Variants in BLTP3B observed in about 807,000 individuals in gnomAD.
BLTP3B encodes the protein UHRF1 (ICBP90) binding protein 1-like.
the BLTP3B span, chr12:100,098,342 A>C: frequency 2.6e-6 from 4 of 1,558,396 alleles, no homozygotes; most frequent in East Asian, 6.8e-5. Flanking sequence ...AAGAAAGAAA[A>C]AAATGTTACC....
At chr12:100,038,485 G>C in the BLTP3B span, among the ~76,000 whole-genome samples, 4 of 152,056 alleles carry the variant, frequency 2.6e-5, no homozygotes, top group Non-Finnish European at 4.4e-5. Context: ...ACAAGCATGC[G>C]CCACCATGCC....
chr12:100,057,453 T>C, the BLTP3B span: 1 of 583,062 alleles, frequency 1.7e-6, no homozygotes, highest in Non-Finnish European at 2.6e-6. Flanking sequence ...TTAGTTATGT[T>C]CAGTAACTTT....
At chr12:100,065,446 T>A in the BLTP3B span, among the ~76,000 whole-genome samples, 2 of 152,272 alleles carry the variant, frequency 1.3e-5, no homozygotes, top group East Asian at 3.9e-4. Context: ...GTAGTGAAGA[T>A]ATCGCTAAAT....
chr12:100,038,267 C>T, the BLTP3B span, among the ~76,000 whole-genome samples: 1 of 152,174 alleles, frequency 6.6e-6, no homozygotes, highest in African/African-American at 2.4e-5. Context: ...ATGGCTCCAA[C>T]TATCATAGAC....
chr12:100,073,579 G>A, the BLTP3B span, among the ~76,000 whole-genome samples: 1 of 151,650 alleles, frequency 6.6e-6, no homozygotes, highest in Non-Finnish European at 1.5e-5. Flanking sequence ...GTATATGTGT[G>A]TGTATATATA....
the BLTP3B span, among the ~76,000 whole-genome samples, chr12:100,043,942 G>C: frequency 6.6e-6 from 1 of 152,056 alleles, no homozygotes; most frequent in Non-Finnish European, 1.5e-5. Flanking sequence ...TTTTGGTCCT[G>C]TTTCTCACTG....
the BLTP3B span, chr12:100,048,164 A>C: frequency 6.9e-6 from 11 of 1,602,082 alleles, no homozygotes; most frequent in East Asian, 2.5e-4. Context: ...TCAGGAGAGG[A>C]TTTGGAATGA....
At chr12:100,073,906 T>C in the BLTP3B span, among the ~76,000 whole-genome samples, 1 of 152,064 alleles carries the variant, frequency 6.6e-6, no homozygotes, top group Non-Finnish European at 1.5e-5. Context: ...AACTCACAGC[T>C]AATATCGTTC....
chr12:100,119,384 T>C, the BLTP3B span, among the ~76,000 whole-genome samples: 1 of 152,268 alleles, frequency 6.6e-6, no homozygotes, highest in Non-Finnish European at 1.5e-5. Flanking sequence ...GACTTACAGA[T>C]TCAAGGCAAC....
At chr12:100,135,394 T>C in the BLTP3B span, among the ~76,000 whole-genome samples, 6 of 151,568 alleles carry the variant, frequency 4.0e-5, no homozygotes, top group Non-Finnish European at 5.9e-5. Context: ...TCAGCCTCTC[T>C]AGTAGCTGAG....
chr12:100,045,127 A>C, the BLTP3B span, among the ~76,000 whole-genome samples: 2 of 152,248 alleles, frequency 1.3e-5, no homozygotes, highest in African/African-American at 2.4e-5. Context: ...AGAATATTCC[A>C]TGCTCATGGG....
At chr12:100,103,803 TG>T in the BLTP3B span, 1 of 926,976 alleles carries the variant, frequency 1.1e-6, no homozygotes, top group Admixed American at 3.1e-5. Flanking sequence ...GAAACCTAAC[TG>T]GTGAAAAATC....
chr12:100,066,686 C>T, the BLTP3B span, among the ~76,000 whole-genome samples: 3 of 151,714 alleles, frequency 2.0e-5, no homozygotes, highest in Non-Finnish European at 4.4e-5. Flanking sequence ...CACCTGTAGT[C>T]CCAGCTACTC....
the BLTP3B span, chr12:100,039,491 C>A: frequency 8.2e-7 from 1 of 1,214,080 alleles, no homozygotes; most frequent in Non-Finnish European, 1.1e-6. Flanking sequence ...ATAACAAGCA[C>A]TCGGTACATT....
At chr12:100,111,004 G>C in the BLTP3B span, among the ~76,000 whole-genome samples, 1 of 151,834 alleles carries the variant, frequency 6.6e-6, no homozygotes, top group East Asian at 1.9e-4. Flanking sequence ...ACCTTGATTG[G>C]GTATGTACAA....
At chr12:100,106,002 G>C in the BLTP3B span, among the ~76,000 whole-genome samples, 2 of 152,118 alleles carry the variant, frequency 1.3e-5, no homozygotes, top group African/African-American at 4.8e-5. Flanking sequence ...AAAACACATT[G>C]AGACACCACC....
At chr12:100,051,124 G>A in the BLTP3B span, 2 of 1,614,022 alleles carry the variant, frequency 1.2e-6, no homozygotes, top group Non-Finnish European at 1.7e-6. Flanking sequence ...TTGTACTGAT[G>A]GCATCTGGAG....
At chr12:100,133,872 GA>G in the BLTP3B span, among the ~76,000 whole-genome samples, 1 of 152,168 alleles carries the variant, frequency 6.6e-6, no homozygotes, top group South Asian at 2.1e-4. Context: ...GATAGCTTGA[GA>G]AAGAGAGAGA....
the BLTP3B span, among the ~76,000 whole-genome samples, chr12:100,061,107 T>C: frequency 6.6e-6 from 1 of 152,150 alleles, no homozygotes; most frequent in African/African-American, 2.4e-5. Flanking sequence ...AAAATTACAA[T>C]TTAAGTCTAT....
Sources: allele counts gnomAD v4.1 joint callset (sites outside exome capture counted in the v4.1 genomes callset), GRCh38; gene constraint gnomAD v4.1.1; transcripts MANE v1.5; gene names NCBI Gene and HGNC (gene_info 2026-07-23, HGNC 2026-07-21).